HTT: variants seen among roughly 807,000 people sequenced by gnomAD.
The protein encoded by HTT is huntingtin, also known as huntington disease protein.
A neutral mutation model predicts 362.3 loss-of-function variants in HTT; 104 were observed. That is an observed-to-expected ratio of 0.29 (90% CI 0.24 to 0.34). The LOEUF is 0.34. HTT is among the 10% of genes least tolerant of loss of function. The pLI is 1.00. For missense variants in HTT, 3,301 were observed against 3,928.6 expected (o/e 0.84, Z 4.27); for synonymous variants, 1,577 against 1,548.7 (o/e 1.02, Z -0.43).
intron 57 of HTT, among the ~76,000 whole-genome samples, chr4:3,227,071 G>T (rs1288632198): frequency 6.6e-6 from 1 of 152,202 alleles, no homozygotes; most frequent in Non-Finnish European, 1.5e-5. Flanking sequence ...CTTGTCCTGG[G>T]CCCAGGGACA....
chr4:3,130,186 G>A (rs1249577343), intron 13 of HTT, 119 bp from the exon 14 acceptor site: 1 of 1,058,824 alleles, frequency 9.4e-7, no homozygotes. Context: ...GACCAATTGA[G>A]GAATAATCAT....
At chr4:3,171,688 G>C (rs1015591786) in intron 29 of HTT, among the ~76,000 whole-genome samples, 7 of 152,028 alleles carry the variant, frequency 4.6e-5, no homozygotes, top group African/African-American at 1.4e-4. Context: ...TATTGGTCAG[G>C]CTGGTCTTGA....
intron 14 of HTT, among the ~76,000 whole-genome samples, chr4:3,130,645 A>G (rs1405401038): frequency 6.6e-6 from 1 of 152,138 alleles, no homozygotes; most frequent in Non-Finnish European, 1.5e-5. Flanking sequence ...TGTGCCCCAG[A>G]CAAATCTATT....
rs372346894 is a variant in HTT at position 3,147,967 on chromosome 4, A to T, written c.3296-38A>T. On this transcript the variant is annotated intron_variant, in intron 25 of 66. Transcript: ENST00000355072. ...CCAAGCAATTTGTCCTTCCCATGCT[A>T]TTGGGGTGGAGAGGTAATGTCTGTG... 9.2e-6 allele frequency: 14 copies of T among 1,513,584 alleles called. No individual in the cohort carries two copies. In the South Asian group the frequency reaches 1.5e-4, roughly 16 times the overall value. 93.8% of individuals were successfully genotyped at this position (1,513,584 alleles called of 1,614,324 possible). A position where few individuals can be genotyped will look rare whatever the true frequency, so the allele number is the denominator to read the frequency against.
At chr4:3,075,118 C>G in intron 1 of HTT, 30 bp downstream of exon 1, 1 of 1,217,182 alleles carries the variant, frequency 8.2e-7, no homozygotes, top group Non-Finnish European at 1.0e-6. Flanking sequence ...AGCTCCCTGT[C>G]CCGGCGGGTC....
At chr4:3,205,087 A>G (rs572282592) in intron 42 of HTT, among the ~76,000 whole-genome samples, 3 of 152,312 alleles carry the variant, frequency 2.0e-5, no homozygotes, top group African/African-American at 7.2e-5. Flanking sequence ...AAGAAAAAAA[A>G]ATAACTTGTG....
intron 2 of HTT, among the ~76,000 whole-genome samples, chr4:3,097,054 G>A (rs562174013): frequency 1.3e-5 from 2 of 152,334 alleles, no homozygotes; most frequent in South Asian, 4.1e-4. Flanking sequence ...GGGAGGTTGA[G>A]GCTGCAGTGA....
chr4:3,188,682 G>C (rs1406717307), intron 39 of HTT: 2 of 279,332 alleles, frequency 7.2e-6, no homozygotes, highest in Non-Finnish European at 1.3e-5. Flanking sequence ...TCCTGTGACA[G>C]ATGATCAGCT....
chr4:3,115,640 ACTGGGCAGTGGGTGTGGG>A, intron 7 of HTT, among the ~76,000 whole-genome samples, 195 bp downstream of exon 7: 2 of 152,278 alleles, frequency 1.3e-5, no homozygotes, highest in Middle Eastern at 3.4e-3. Context: ...GTGCCCAGGG[ACTGGGCAGTGGGTGTGGG>A]CTGGTGTGAG....
At chr4:3,111,112 G>A (rs1364778377) in intron 6 of HTT, among the ~76,000 whole-genome samples, 1 of 152,052 alleles carries the variant, frequency 6.6e-6, no homozygotes, top group Non-Finnish European at 1.5e-5. Flanking sequence ...CAAATTCCTG[G>A]GCTCAAGCAG....
intron 63 of HTT, 140 bp downstream of exon 63, chr4:3,235,918 G>A (rs926210550): frequency 1.7e-5 from 13 of 749,092 alleles, no homozygotes; most frequent in South Asian, 1.2e-4. Context: ...CCATCACCTT[G>A]CAAGAAAGGC....
At position 3,235,740 on chromosome 4, in the gene HTT, T is replaced by C; in HGVS notation, c.8747T>C (p.Met2916Thr). ...AACGTGCACAGCCCGCACCGGGCCA[T>C]GGCGGCTCTGGGCCTGATGCTCACC... ...RVNVHSPHRAMAALGLMLTCM... is the reference protein window; with the variant it reads ...RVNVHSPHRATAALGLMLTCM... Residue 2916 changes from methionine to threonine, a missense_variant, in exon 63 of 67, where the codon ATG becomes ACG. Around this residue, in one of 4 missense-constraint regions of HTT, gnomAD observed 753 missense variants for 1,021.3 expected, o/e 0.74. Coordinates refer to ENST00000355072, the MANE Select transcript of HTT (RefSeq NM_001388492.1). 1 of 1,611,576 alleles carries C rather than the reference T, an allele frequency of 6.2e-7. No homozygotes were observed. Among genetic ancestry groups the C allele is most frequent in the Non-Finnish European group, 8.5e-7 (1 of 1,180,004 alleles).
intron 8 of HTT, among the ~76,000 whole-genome samples, chr4:3,119,862 A>G (rs1352889481): frequency 6.6e-6 from 1 of 152,200 alleles, no homozygotes; most frequent in African/African-American, 2.4e-5. Context: ...GCAGGTACCC[A>G]AAAATGTTTT....
rs1578502076 is a variant in HTT, at chr4:3,105,170, AACTT to A, written c.529-182_529-179del. ...AGATGAGATGAGAATTAAAAATGGT[AACTT>A]ACTTTATATCTTTATAATTGAAGCC... On this transcript the variant is annotated intron_variant, in intron 4 of 66. Transcript: ENST00000355072. Among the ~76,000 whole-genome samples the A allele has an allele frequency of 3.3e-5, 5 of 152,214 alleles. No individual in the cohort carries two copies. The East Asian group carries it at 9.6e-4, about 29-fold the overall frequency.
At chr4:3,103,286 G>A (rs1025993140) in intron 3 of HTT, among the ~76,000 whole-genome samples, 4 of 143,888 alleles carry the variant, frequency 2.8e-5, no homozygotes, top group Admixed American at 2.2e-4. Context: ...GTGCAATGGC[G>A]TGATCTTGGC....
At chr4:3,217,200 G>T (rs1403622376) in intron 51 of HTT, among the ~76,000 whole-genome samples, 1 of 152,122 alleles carries the variant, frequency 6.6e-6, no homozygotes, top group Non-Finnish European at 1.5e-5. Context: ...ATTTTAGTAG[G>T]TATGATATTC....
chr4:3,213,846 C>G (rs1720272546), intron 49 of HTT, 112 bp from the exon 50 acceptor site: 4 of 931,060 alleles, frequency 4.3e-6, no homozygotes, highest in Non-Finnish European at 6.1e-6. Context: ...GGCAAGGGCA[C>G]CTGGACGCGC....
In HTT at chr4:3,142,824, C is replaced by A; in HGVS notation, c.3004C>A (p.Leu1002Ile). 1 of 1,598,804 alleles carries A rather than the reference C, an allele frequency of 6.3e-7. No individual in the cohort carries two copies. The highest frequency in any genetic ancestry group is 8.6e-7 in the Non-Finnish European group (1 of 1,166,224). ...AACAGACGTCACTATGGAAAATAACCTTTCAAGAGTTATTGCAGCAGTTTC... is the reference window on the plus strand; with the variant it reads ...AACAGACGTCACTATGGAAAATAACATTTCAAGAGTTATTGCAGCAGTTTC... ...SITDVTMENN[L>I]SRVIAAVSHE... The change falls in exon 23 of 67, where the codon CTT (leucine) becomes ATT (isoleucine). Residue 1002 changes from leucine to isoleucine, a missense_variant. This residue lies in a region of HTT where 2,316 missense variants were observed against 2,658.5 expected (regional missense o/e 0.87). Transcript: ENST00000355072.
chr4:3,154,132 A>T (rs376950491), intron 26 of HTT, among the ~76,000 whole-genome samples, 161 bp from the exon 27 acceptor site: 26 of 152,348 alleles, frequency 1.7e-4, no homozygotes, highest in African/African-American at 5.8e-4. Context: ...AAATGTGTAC[A>T]GTGTCTGAAC....
Sources: gnomAD v4.1 joint callset for allele counts (sites outside exome capture counted in the v4.1 genomes callset) on GRCh38, gnomAD v4.1.1 for gene constraint, gnomAD v4.1.1 regional missense constraint, MANE v1.5 for transcripts, NCBI Gene and HGNC (gene_info 2026-07-23, HGNC 2026-07-21) for gene names.